Variants in LIPC observed in about 807,000 individuals in gnomAD.
LIPC encodes the protein lipase C, hepatic type.
Under a neutral mutation model 50.7 loss-of-function variants are expected in LIPC, and 44 were observed. The ratio of observed to expected loss-of-function variants is 0.87; its 90% confidence interval spans 0.68 to 1.11. The LOEUF (loss-of-function observed/expected upper bound fraction) is 1.11, where lower values mean the gene tolerates loss of function less well. LIPC is among the 50% of genes most tolerant of loss of function. The pLI, the probability that LIPC is intolerant of heterozygous loss-of-function variation, is 0.00. For synonymous variants in LIPC, 271 were observed against 256.4 expected (o/e 1.06, Z -0.54); for missense variants, 697 against 648.2 (o/e 1.08, Z -0.82).
chr15:58,566,524 G>A, intron 8 of LIPC: 1 of 887,366 alleles, frequency 1.1e-6, no homozygotes, highest in Non-Finnish European at 1.4e-6. Flanking sequence ...CCAGAATCGG[G>A]ATGGGAACAT....
intron 6 of LIPC, among the ~76,000 whole-genome samples, chr15:58,552,466 C>T (rs1475725276): frequency 6.6e-6 from 1 of 152,214 alleles, no homozygotes; most frequent in Non-Finnish European, 1.5e-5. Flanking sequence ...CCTCTCTGCC[C>T]TCCTTCCACA....
At chr15:58,533,272 C>G (rs1893010378) in intron 1 of LIPC, 1 of 621,436 alleles carries the variant, frequency 1.6e-6, no homozygotes, top group Non-Finnish European at 2.0e-6. Flanking sequence ...CCTTTCCTCA[C>G]AGCTTATCAT....
At chr15:58,461,677 C>T (rs1204926168) in intron 1 of LIPC, among the ~76,000 whole-genome samples, 1 of 151,966 alleles carries the variant, frequency 6.6e-6, no homozygotes, top group East Asian at 1.9e-4. Flanking sequence ...CTTGGCCTCC[C>T]AGAATGCTGG....
chr15:58,518,709 G>C (rs1289633175), intron 1 of LIPC, among the ~76,000 whole-genome samples: 4 of 152,172 alleles, frequency 2.6e-5, no homozygotes, highest in Admixed American at 6.5e-5. Context: ...GAAGAGCCAG[G>C]CCCAAAAGAG....
intron 1 of LIPC, among the ~76,000 whole-genome samples, chr15:58,432,856 G>C (rs1277212901): frequency 1.3e-5 from 2 of 152,146 alleles, no homozygotes; most frequent in African/African-American, 4.8e-5. Context: ...ACTGGTTACT[G>C]GTCAGGAGCT....
intron 1 of LIPC, among the ~76,000 whole-genome samples, chr15:58,470,036 G>A (rs1226986475): frequency 3.3e-5 from 5 of 151,736 alleles, no homozygotes; most frequent in African/African-American, 1.2e-4. Flanking sequence ...AGGCTCAAGG[G>A]ATCTTCCCAC....
intron 6 of LIPC, among the ~76,000 whole-genome samples, chr15:58,552,692 T>G (rs1205136139): frequency 6.6e-6 from 1 of 152,240 alleles, no homozygotes; most frequent in African/African-American, 2.4e-5. Flanking sequence ...GGTCTGTTTT[T>G]GGCTTCTCTC....
chr15:58,544,445 C>A (rs1300553036), intron 4 of LIPC, among the ~76,000 whole-genome samples: 1 of 127,898 alleles, frequency 7.8e-6, no homozygotes, highest in African/African-American at 2.9e-5. Context: ...GCCCAGGCTA[C>A]AGGGCAGTGG....
chr15:58,567,425 T>C (rs1388844536), intron 8 of LIPC, among the ~76,000 whole-genome samples: 1 of 148,916 alleles, frequency 6.7e-6, no homozygotes, highest in Non-Finnish European at 1.5e-5. Context: ...CATTATCACA[T>C]GTTTAAATAT....
intron 8 of LIPC, 76 bp downstream of exon 8, chr15:58,563,799 C>G (rs1894260543): frequency 1.7e-6 from 2 of 1,176,402 alleles, no homozygotes; most frequent in Non-Finnish European, 2.5e-6. Context: ...ATTTAATACT[C>G]ACATTCATCA....
intron 1 of LIPC, among the ~76,000 whole-genome samples, chr15:58,465,608 T>A (rs923404384): frequency 6.6e-6 from 1 of 151,922 alleles, no homozygotes; most frequent in South Asian, 2.1e-4. Context: ...ACATAACGGA[T>A]GGAGTCCCAA....
intron 8 of LIPC, chr15:58,566,383 T>C (rs1251036595): frequency 2.0e-6 from 2 of 985,266 alleles, no homozygotes; most frequent in East Asian, 1.1e-4. Flanking sequence ...CTGCTCACAA[T>C]CTGTGTAGCC....
At position 58,561,226 on chromosome 15, in the gene LIPC, T is replaced by C. The variant is rs1869130; in HGVS notation, c.1169+245T>C. Among the ~76,000 whole-genome samples the C allele has an allele frequency of 0.95, 143,941 of 152,264 alleles. 68,277 individuals are homozygous for C. Among genetic ancestry groups the C allele is most frequent in the South Asian group, 0.99 (4,766 of 4,832 alleles). On this transcript the variant is annotated intron_variant, in intron 7 of 8. Coordinates refer to ENST00000299022, the MANE Select transcript of LIPC (RefSeq NM_000236.3). ...CCAAGGTGGTCAGGCTACAGCTTGG[T>C]TTTATACATTATAGGAAGATATAAG... is the stretch of plus-strand genomic sequence containing the variant.
intron 1 of LIPC, among the ~76,000 whole-genome samples, chr15:58,472,317 G>A (rs1486475626): frequency 6.8e-6 from 1 of 146,982 alleles, no homozygotes; most frequent in Non-Finnish European, 1.5e-5. Context: ...GATTACATCT[G>A]TAACCCCGGC....
In LIPC at chr15:58,560,723, A is replaced by C. The variant is rs3829463; in HGVS notation, c.1052-141A>C. 580,599 of 601,318 alleles carry C rather than the reference A, an allele frequency of 0.97. 280,821 individuals are homozygous for C. Among genetic ancestry groups the C allele is most frequent in the Middle Eastern group, 0.99 (2,150 of 2,174 alleles). The allele number at this position is 601,318 out of a possible 1,614,324, so 37.2% of individuals were successfully genotyped here. ...ACAAGAAGATAAACCACCATTTAGG[A>C]GCAAAAAAATGTTGTTAACATATTA... On this transcript the variant is annotated intron_variant, in intron 6 of 8. Transcript: ENST00000299022.
Position 58,565,362 on chromosome 15 carries a change from T to C in LIPC, c.1388+1639T>C, listed in dbSNP as rs114990659. ...GGCTGCTCACCCTGACAATCCCATG[T>C]GGCTTGACCTGAAAGGGTGGCTAAA... On this transcript the variant is annotated intron_variant, in intron 8 of 8. Transcript: ENST00000299022. 1.1e-3 allele frequency: 1,712 copies of C among 1,520,348 alleles called. 21 individuals carry two copies. In the African/African-American group the frequency reaches 0.021, roughly 19 times the overall value. 94.2% of individuals were successfully genotyped at this position (1,520,348 alleles called of 1,614,324 possible). A position where few individuals can be genotyped will look rare whatever the true frequency, so the allele number is the denominator to read the frequency against.
At chr15:58,513,739 G>C (rs79863435) in intron 1 of LIPC, among the ~76,000 whole-genome samples, 1 of 152,174 alleles carries the variant, frequency 6.6e-6, no homozygotes, top group Non-Finnish European at 1.5e-5. Flanking sequence ...GTTCACAGTT[G>C]TGCAGCTGAG....
At chr15:58,484,110 G>A (rs1392165394) in intron 1 of LIPC, among the ~76,000 whole-genome samples, 2 of 151,718 alleles carry the variant, frequency 1.3e-5, no homozygotes, top group East Asian at 3.9e-4. Flanking sequence ...TATCTTTTTG[G>A]CCTAACATCC....
rs1890822731 is a variant in LIPC at position 58,471,922 on chromosome 15, T to C, written c.88+39802T>C. 2.0e-5 allele frequency among the ~76,000 whole-genome samples: 3 copies of C among 152,246 alleles called. No homozygotes were observed. The South Asian group carries it at 6.2e-4, about 32-fold the overall frequency. On this transcript the variant is annotated intron_variant, in intron 1 of 8. Coordinates refer to ENST00000299022, the MANE Select transcript of LIPC (RefSeq NM_000236.3). Reference sequence around the variant, plus strand: ...CCCTGAGGGCAGGGGACATAGCTCTTTGGGGCCATAAAGGCATTAGCTCAC... The same window carrying C: ...CCCTGAGGGCAGGGGACATAGCTCTCTGGGGCCATAAAGGCATTAGCTCAC...
Sources: allele counts gnomAD v4.1 joint callset (sites outside exome capture counted in the v4.1 genomes callset), GRCh38; gene constraint gnomAD v4.1.1; transcripts MANE v1.5; gene names NCBI Gene and HGNC (gene_info 2026-07-23, HGNC 2026-07-21).